Variants in PTPRN2 observed in about 807,000 individuals in gnomAD.
PTPRN2 encodes the protein protein tyrosine phosphatase receptor type N2, also known as receptor-type tyrosine-protein phosphatase N2.
PTPRN2 carries 74 observed loss-of-function variants against 118.8 expected under a neutral mutation model. The ratio of observed to expected loss-of-function variants is 0.62; its 90% confidence interval spans 0.52 to 0.76. PTPRN2 has a LOEUF of 0.76. Ranked by LOEUF, PTPRN2 falls within the 30% of genes least tolerant of loss-of-function variation. The pLI, the probability that PTPRN2 is intolerant of heterozygous loss-of-function variation, is 0.00. For missense variants in PTPRN2, 1,481 were observed against 1,394.4 expected, an observed-to-expected ratio of 1.06 and a Z score of -0.99; for synonymous variants, 641 against 608.0, an observed-to-expected ratio of 1.05 and a Z score of -0.80.
rs79498733 is a variant in PTPRN2, at chr7:157,806,706, C to A, written c.1788+91967G>T. On this transcript the variant is annotated intron_variant, in intron 12 of 22. Transcript: ENST00000389418. ...GCAGGATTATTGGGAACTATTGGAT[C>A]TTTCTGAGGAGGCCAGGATGATTTC... 6.1e-3 allele frequency among the ~76,000 whole-genome samples: 922 copies of A among 152,328 alleles called. 6 individuals carry two copies. The highest frequency in any genetic ancestry group is 0.021 in the African/African-American group (863 of 41,576).
intron 12 of PTPRN2, among the ~76,000 whole-genome samples, chr7:157,834,187 T>A (rs948401623): frequency 8.7e-6 from 1 of 115,572 alleles, no homozygotes; most frequent in African/African-American, 4.2e-5. Context: ...CTCCCTGTGA[T>A]CAATCCATCA....
At chr7:158,270,932 ACC>A (rs1168565031) in intron 3 of PTPRN2, among the ~76,000 whole-genome samples, 5 of 5,194 alleles carry the variant, frequency 9.6e-4, no homozygotes, top group African/African-American at 2.0e-3. Flanking sequence ...CACCCCCCCC[ACC>A]TGGACCACCC....
chr7:157,811,438 G>A (rs1269248732), intron 12 of PTPRN2, among the ~76,000 whole-genome samples: 2 of 150,932 alleles, frequency 1.3e-5, no homozygotes, highest in South Asian at 2.1e-4. Context: ...CCTCTCCATC[G>A]TGGCTGTTGG....
At chr7:158,338,635 C>G (rs1806146153) in intron 2 of PTPRN2, among the ~76,000 whole-genome samples, 5 of 69,612 alleles carry the variant, frequency 7.2e-5, no homozygotes, top group Admixed American at 1.4e-4. Flanking sequence ...CCCATACTCT[C>G]ACCATAAAAG....
chr7:157,840,446 CTG>C (rs1257312720), intron 12 of PTPRN2, among the ~76,000 whole-genome samples: 5 of 145,850 alleles, frequency 3.4e-5, no homozygotes, highest in South Asian at 4.6e-4. Context: ...CCGCGTGTGA[CTG>C]TGTGACCGCG....
chr7:158,146,438 T>A (rs544257621), intron 6 of PTPRN2, among the ~76,000 whole-genome samples: 1 of 152,074 alleles, frequency 6.6e-6, no homozygotes, highest in Non-Finnish European at 1.5e-5. Flanking sequence ...TAAGAAATAA[T>A]AGGCTGGGCT....
At chr7:157,877,157 C>G (rs1795819750) in intron 12 of PTPRN2, among the ~76,000 whole-genome samples, 1 of 150,488 alleles carries the variant, frequency 6.6e-6, no homozygotes, top group African/African-American at 2.5e-5. Context: ...CCTCAGGGAC[C>G]CCAGATCTGA....
At chr7:158,412,130 T>C (rs1208051058) in intron 2 of PTPRN2, among the ~76,000 whole-genome samples, 1 of 73,244 alleles carries the variant, frequency 1.4e-5, no homozygotes, top group Non-Finnish European at 2.7e-5. Context: ...AGGGCCCATC[T>C]CAGCACCCTC....
At chr7:157,882,571 CT>C (rs1796200706) in intron 12 of PTPRN2, among the ~76,000 whole-genome samples, 1 of 140,018 alleles carries the variant, frequency 7.1e-6, no homozygotes, top group African/African-American at 2.7e-5. Context: ...AACAGAACAC[CT>C]CACCCCAAAA....
chr7:158,585,764 C>G (rs916456909), intron 1 of PTPRN2, among the ~76,000 whole-genome samples: 10 of 152,204 alleles, frequency 6.6e-5, no homozygotes, highest in Admixed American at 5.2e-4. Flanking sequence ...CAAGGACCAG[C>G]CTCCAGCTCA....
rs1471250349 is a variant in PTPRN2 at position 158,058,193 on chromosome 7, C to T, written c.1723+23105G>A. ...TGCCCACGGTGAGACATCACTGTAG[C>T]CACACTCCATCTGCCCACGGTGAGA... On this transcript the variant is annotated intron_variant, in intron 11 of 22. Transcript: ENST00000389418. 2.7e-5 allele frequency among the ~76,000 whole-genome samples: 4 copies of T among 150,506 alleles called. 1 individual carries two copies. The highest frequency in any genetic ancestry group is 7.3e-5 in the African/African-American group (3 of 40,834).
intron 11 of PTPRN2, among the ~76,000 whole-genome samples, chr7:157,930,382 G>A (rs1799283693): frequency 6.6e-6 from 1 of 152,308 alleles, no homozygotes; most frequent in East Asian, 1.9e-4. Flanking sequence ...CCTGAGAGGG[G>A]GTCTCTGTTC....
At position 158,522,360 on chromosome 7, in the gene PTPRN2, CA is replaced by C. The variant is rs1563389911; in HGVS notation, c.113-32576del. ...GTCCACGTCACAATGGTGGACTGTC[CA>C]GGTGCTGGCTCGGGAGGGAGGTCCA... On this transcript the variant is annotated intron_variant, in intron 1 of 22. Transcript: ENST00000389418. 3.4e-3 allele frequency among the ~76,000 whole-genome samples: 445 copies of C among 130,830 alleles called. 78 individuals carry two copies. Among genetic ancestry groups the C allele is most frequent in the South Asian group, 9.6e-3 (38 of 3,948 alleles). The allele number at this position is 130,830 out of a possible 152,430, so 85.8% of individuals were successfully genotyped here. A position where few individuals can be genotyped will look rare whatever the true frequency, so the allele number is the denominator to read the frequency against.
At position 158,167,257 on chromosome 7, in the gene PTPRN2, T is replaced by C. The variant is rs1212363201; in HGVS notation, c.584A>G (p.Tyr195Cys). ...DDRFSESILTYVAHTSALTYP... is the reference protein window; with the variant it reads ...DDRFSESILTCVAHTSALTYP... ...GGTCAGCGCAGACGTGTGGGCCACA[T>C]AGGTCAGGATGCTCTCGGAGAAGCG... is the stretch of plus-strand genomic sequence containing the variant. The change falls in exon 6 of 23, where the codon TAT becomes TGT. Residue 195 changes from tyrosine to cysteine, a missense_variant. By Grantham distance (194) the Tyr-to-Cys change is radical (BLOSUM62 -2). Transcript: ENST00000389418. 8.1e-6 allele frequency: 13 copies of C among 1,609,444 alleles called. No homozygotes were observed. The highest frequency in any genetic ancestry group is 1.1e-5 in the Non-Finnish European group (13 of 1,177,968).
At chr7:158,055,439 G>A (rs1177873554) in intron 11 of PTPRN2, among the ~76,000 whole-genome samples, 1 of 152,142 alleles carries the variant, frequency 6.6e-6, no homozygotes, top group East Asian at 1.9e-4. Context: ...CCCTGGGGGA[G>A]TTTAGAGAAG....
Position 157,671,055 on chromosome 7 carries a change from G to A in PTPRN2, c.2001+11670C>T, listed in dbSNP as rs1469818529. Reference sequence around the variant, plus strand: ...ACTCCCCATGGGCGGGCAGGACTCTGGACCTGAGAATTGCACAGGATGGTT... The same window carrying A: ...ACTCCCCATGGGCGGGCAGGACTCTAGACCTGAGAATTGCACAGGATGGTT... On this transcript the variant is annotated intron_variant, in intron 13 of 22. Coordinates refer to ENST00000389418, the MANE Select transcript of PTPRN2 (RefSeq NM_002847.5). The surrounding 1 kb of genome is among the most constrained non-coding windows in gnomAD (Gnocchi z 4.1). 6.6e-6 allele frequency among the ~76,000 whole-genome samples: 1 copy of A among 152,220 alleles called. No homozygotes were observed. The highest frequency in any genetic ancestry group is 2.4e-5 in the African/African-American group (1 of 41,456).
intron 11 of PTPRN2, among the ~76,000 whole-genome samples, chr7:158,064,255 A>G (rs1336204139): frequency 6.6e-6 from 1 of 152,244 alleles, no homozygotes; most frequent in Non-Finnish European, 1.5e-5. Context: ...GGCAACCTGA[A>G]CATGTGCTGG....
intron 2 of PTPRN2, among the ~76,000 whole-genome samples, chr7:158,318,090 G>C (rs1263983908): frequency 6.6e-6 from 1 of 152,078 alleles, no homozygotes; most frequent in Non-Finnish European, 1.5e-5. Flanking sequence ...GCCGGCCCGA[G>C]ATGCCTGCGA....
chr7:158,238,808 T>C (rs1795725198), intron 3 of PTPRN2, among the ~76,000 whole-genome samples: 1 of 152,068 alleles, frequency 6.6e-6, no homozygotes, highest in Non-Finnish European at 1.5e-5. Context: ...AGGACTCCCC[T>C]GCAAGTCTGG....
Sources: gnomAD v4.1 joint callset for allele counts (sites outside exome capture counted in the v4.1 genomes callset) on GRCh38, gnomAD v4.1.1 for gene constraint, Gnocchi (gnomAD v3.1) non-coding constraint, MANE v1.5 for transcripts, NCBI Gene and HGNC (gene_info 2026-07-23, HGNC 2026-07-21) for gene names.